Variants in KCNIP4 observed in about 807,000 individuals in gnomAD.
KCNIP4 encodes Kv channel-interacting protein 4.
Under a neutral mutation model 34.0 loss-of-function variants are expected in KCNIP4, and 12 were observed. The observed-to-expected ratio is 0.35, with a 90% confidence interval of 0.23 to 0.57. KCNIP4 has a LOEUF of 0.57. Among genes scored for constraint, KCNIP4 ranks in the 20% least tolerant of loss-of-function variants. The pLI is 0.83. For missense variants in KCNIP4, 238 were observed against 311.7 expected, an observed-to-expected ratio of 0.76 and a Z score of 1.78; for synonymous variants, 124 against 102.2, an observed-to-expected ratio of 1.21 and a Z score of -1.29.
At chr4:21,405,387 C>A (rs1723895725) in intron 1 of KCNIP4, among the ~76,000 whole-genome samples, 1 of 152,090 alleles carries the variant, frequency 6.6e-6, no homozygotes, top group African/African-American at 2.4e-5. Context: ...CTGTCTTTAA[C>A]ATAACTAAAC....
At chr4:21,896,981 C>G (rs1455079387) in intron 1 of KCNIP4, among the ~76,000 whole-genome samples, 1 of 150,604 alleles carries the variant, frequency 6.6e-6, no homozygotes, top group East Asian at 1.9e-4. Context: ...ATATTTTAAT[C>G]ATGAAAATAA....
chr4:21,777,374 C>T (rs1719253125), intron 1 of KCNIP4, among the ~76,000 whole-genome samples: 1 of 152,172 alleles, frequency 6.6e-6, no homozygotes, highest in African/African-American at 2.4e-5. Flanking sequence ...CAGGTCAATA[C>T]AGTAATCAAC....
intron 1 of KCNIP4, among the ~76,000 whole-genome samples, chr4:21,246,752 T>C (rs1760232850): frequency 6.6e-6 from 1 of 152,110 alleles, no homozygotes; most frequent in South Asian, 2.1e-4. Flanking sequence ...AAGGGTTTGA[T>C]TGTAAAAGTT....
At chr4:20,785,315 TG>T (rs1711817761) in intron 3 of KCNIP4, among the ~76,000 whole-genome samples, 1 of 142,686 alleles carries the variant, frequency 7.0e-6, no homozygotes, top group South Asian at 2.4e-4. Context: ...TGCTTTTCTT[TG>T]GATTTTTTTT....
At chr4:21,568,044 GGA>G (rs1289662991) in intron 1 of KCNIP4, among the ~76,000 whole-genome samples, 1 of 152,068 alleles carries the variant, frequency 6.6e-6, no homozygotes, top group Admixed American at 6.6e-5. Context: ...TTGCCCTGAG[GGA>G]GAGAGTCATG....
intron 3 of KCNIP4, among the ~76,000 whole-genome samples, chr4:20,844,667 TCTC>T (rs1315250118): frequency 1.3e-5 from 2 of 152,166 alleles, no homozygotes; most frequent in African/African-American, 2.4e-5. Flanking sequence ...GAACTAAACT[TCTC>T]CTCTTTCCTT....
chr4:20,749,679 C>T lies in KCNIP4; in HGVS notation c.412G>A (p.Gly138Arg). 1 of 1,607,026 alleles carries T rather than the reference C, an allele frequency of 6.2e-7. No homozygotes were observed. The highest frequency in any genetic ancestry group is 8.5e-7 in the Non-Finnish European group (1 of 1,174,860). Residue 138 changes from glycine (G) to arginine (R), a missense_variant, in exon 5 of 9, where the codon GGA becomes AGA. By Grantham distance (125) the Gly-to-Arg change is moderately radical (BLOSUM62 -2). Transcript: ENST00000382152. Reference sequence around the variant, plus strand: ...GAGCTTACCTCGAAACTCACAGCTCCATTGTGGTCTGTATCAAATGCATTG... The same window carrying T: ...GAGCTTACCTCGAAACTCACAGCTCTATTGTGGTCTGTATCAAATGCATTG... ...LFNAFDTDHN[G>R]AVSFEDFIKG...
intron 3 of KCNIP4, among the ~76,000 whole-genome samples, chr4:20,846,084 T>C (rs1369409444): frequency 6.6e-6 from 1 of 152,174 alleles, no homozygotes; most frequent in Non-Finnish European, 1.5e-5. Flanking sequence ...TAAAAAAAGA[T>C]AGTAACATAA....
intron 3 of KCNIP4, among the ~76,000 whole-genome samples, chr4:20,799,672 C>G (rs1323081300): frequency 1.3e-5 from 2 of 152,164 alleles, no homozygotes; most frequent in African/African-American, 2.4e-5. Flanking sequence ...GTTACTGTAC[C>G]CAGGCTCACA....
chr4:21,444,319 C>CA (rs1477055831), intron 1 of KCNIP4, among the ~76,000 whole-genome samples: 3 of 152,060 alleles, frequency 2.0e-5, no homozygotes, highest in South Asian at 2.1e-4. Flanking sequence ...AGAGATACAA[C>CA]AAAAAAAGAG....
chr4:21,049,456 C>A (rs953570487), intron 1 of KCNIP4, among the ~76,000 whole-genome samples: 2 of 152,110 alleles, frequency 1.3e-5, no homozygotes, highest in Non-Finnish European at 2.9e-5. Context: ...CATGTTCAAC[C>A]CCAGTACCTA....
At chr4:21,347,841 A>C (rs766134325) in intron 1 of KCNIP4, among the ~76,000 whole-genome samples, 2 of 152,158 alleles carry the variant, frequency 1.3e-5, no homozygotes, top group Non-Finnish European at 2.9e-5. Context: ...AGAAATAATA[A>C]AATAATACAT....
chr4:21,666,590 T>G (rs1158302801), intron 1 of KCNIP4, among the ~76,000 whole-genome samples: 1 of 152,234 alleles, frequency 6.6e-6, no homozygotes, highest in East Asian at 1.9e-4. Flanking sequence ...TGGTCTCTAC[T>G]GATTTGAACA....
At chr4:20,987,221 C>T (rs1429395479) in intron 1 of KCNIP4, among the ~76,000 whole-genome samples, 1 of 152,112 alleles carries the variant, frequency 6.6e-6, no homozygotes, top group East Asian at 1.9e-4. Context: ...GAGACTCTAC[C>T]TCTATTTTTA....
intron 3 of KCNIP4, among the ~76,000 whole-genome samples, chr4:20,848,496 A>C (rs1578766376): frequency 2.1e-5 from 3 of 141,030 alleles, no homozygotes; most frequent in South Asian, 2.5e-4. Context: ...ACAAAAAAAA[A>C]CATAAAATAA....
At chr4:21,056,441 A>G (rs1414562193) in intron 1 of KCNIP4, among the ~76,000 whole-genome samples, 3 of 152,160 alleles carry the variant, frequency 2.0e-5, no homozygotes, top group Non-Finnish European at 4.4e-5. Context: ...TATCATCTGC[A>G]TGGCAAATTG....
At chr4:21,088,513 A>C (rs548477351) in intron 1 of KCNIP4, among the ~76,000 whole-genome samples, 1 of 152,270 alleles carries the variant, frequency 6.6e-6, no homozygotes, top group South Asian at 2.1e-4. Flanking sequence ...TTATGATATC[A>C]ATCTCTTCCA....
intron 5 of KCNIP4, among the ~76,000 whole-genome samples, chr4:20,748,779 C>G (rs1014117854): frequency 6.0e-5 from 9 of 149,882 alleles, no homozygotes; most frequent in African/African-American, 2.2e-4. Context: ...CACAGCTGAT[C>G]AGAGTTCATG....
intron 1 of KCNIP4, among the ~76,000 whole-genome samples, chr4:21,765,836 A>C (rs73800717): frequency 0.14 from 21,345 of 149,632 alleles, 5,307 homozygotes; most frequent in African/African-American, 0.5. Flanking sequence ...AAAAAAAAAA[A>C]AAACAAACTG....
Sources: gnomAD v4.1 joint callset for allele counts (sites outside exome capture counted in the v4.1 genomes callset) on GRCh38, gnomAD v4.1.1 for gene constraint, MANE v1.5 for transcripts, NCBI Gene and HGNC (gene_info 2026-07-23, HGNC 2026-07-21) for gene names.